The following DCC variants were observed in gnomAD, a reference collection of about 807,000 sequenced individuals.
The protein encoded by DCC is netrin receptor DCC.
DCC carries 58 observed loss-of-function variants against 172.5 expected under a neutral mutation model. The ratio of observed to expected loss-of-function variants is 0.34; its 90% CI spans 0.27 to 0.42. The LOEUF (loss-of-function observed/expected upper bound fraction) is 0.42. Among genes scored for constraint, DCC ranks in the 10% least tolerant of loss-of-function variants. The pLI, the probability that DCC is intolerant of heterozygous loss-of-function variation, is 1.00. For synonymous variants in DCC, 709 were observed against 644.5 expected (o/e 1.10, Z -1.52); for missense variants, 1,740 against 1,791.0 (o/e 0.97, Z 0.51).
intron 21 of DCC, among the ~76,000 whole-genome samples, chr18:53,418,676 T>G (rs888378392): frequency 1.3e-5 from 2 of 152,144 alleles, no homozygotes; most frequent in South Asian, 4.1e-4. Flanking sequence ...CAGTTTTGAT[T>G]GTCCTAAAAA....
chr18:53,500,111 C>T (rs2046078197), intron 27 of DCC, among the ~76,000 whole-genome samples: 1 of 152,046 alleles, frequency 6.6e-6, no homozygotes, highest in African/African-American at 2.4e-5. Context: ...AATAAGATGG[C>T]AGGGATGGGA....
chr18:52,401,337 T>C (rs1296238491), intron 1 of DCC, among the ~76,000 whole-genome samples: 1 of 152,030 alleles, frequency 6.6e-6, no homozygotes, highest in Admixed American at 6.6e-5. Flanking sequence ...CCATCTCTAC[T>C]GAGCATTTAC....
intron 27 of DCC, among the ~76,000 whole-genome samples, chr18:53,506,197 T>C (rs569205216): frequency 5.3e-4 from 80 of 152,272 alleles, no homozygotes; most frequent in African/African-American, 1.9e-3. Flanking sequence ...CGAATGTTGG[T>C]TGAATTGGTC....
intron 5 of DCC, among the ~76,000 whole-genome samples, chr18:52,998,712 A>C (rs1373564712): frequency 6.6e-6 from 1 of 152,032 alleles, no homozygotes; most frequent in African/African-American, 2.4e-5. Flanking sequence ...GTCAACAATG[A>C]TCCTTGCTTT....
intron 1 of DCC, among the ~76,000 whole-genome samples, chr18:52,465,755 C>T (rs1988766712): frequency 6.7e-6 from 1 of 149,514 alleles, no homozygotes; most frequent in Admixed American, 7.3e-5. Flanking sequence ...TCTAACTTCC[C>T]TCGTTTAGTT....
At chr18:53,134,095 A>T (rs1234593164) in intron 7 of DCC, among the ~76,000 whole-genome samples, 1 of 152,152 alleles carries the variant, frequency 6.6e-6, no homozygotes, top group Non-Finnish European at 1.5e-5. Context: ...CAAAAAGGAC[A>T]AGTTGAGGCT....
intron 1 of DCC, among the ~76,000 whole-genome samples, chr18:52,653,941 T>C (rs1463892703): frequency 6.6e-6 from 1 of 152,208 alleles, no homozygotes; most frequent in African/African-American, 2.4e-5. Flanking sequence ...ATTTATTCTT[T>C]CTTGGTGATC....
At chr18:52,848,440 A>T (rs964448068) in intron 2 of DCC, among the ~76,000 whole-genome samples, 1 of 152,168 alleles carries the variant, frequency 6.6e-6, no homozygotes, top group Middle Eastern at 3.2e-3. Flanking sequence ...AATTTATGTC[A>T]GTAAGTAGTT....
At chr18:53,272,482 G>A (rs1568404843) in intron 12 of DCC, among the ~76,000 whole-genome samples, 1 of 152,080 alleles carries the variant, frequency 6.6e-6, no homozygotes, top group African/African-American at 2.4e-5. Context: ...TTTCAAAGAG[G>A]TATGCGTATT....
At chr18:52,468,662 C>T (rs1021594827) in intron 1 of DCC, among the ~76,000 whole-genome samples, 19 of 152,180 alleles carry the variant, frequency 1.2e-4, no homozygotes, top group Admixed American at 1.1e-3. Flanking sequence ...CACTGCCATG[C>T]TAAACAGCCA....
At position 52,762,571 on chromosome 18, in the gene DCC, C is replaced by T. The variant is rs191122193; in HGVS notation, c.412+10197C>T. Among the ~76,000 whole-genome samples, 392 of 152,222 alleles carry T rather than the reference C, an allele frequency of 2.6e-3. 1 individual carries two copies. The highest frequency in any genetic ancestry group is 0.014 in the Middle Eastern group (4 of 292). On this transcript the variant is annotated intron_variant, in intron 2 of 28. Coordinates refer to ENST00000442544, the MANE Select transcript of DCC (RefSeq NM_005215.4). Reference sequence around the variant, plus strand: ...GGGAGTGGTGGCTCATGCCTGTAATCCCAACACTTTGGGAGGCTGAAGCAG... The same window carrying T: ...GGGAGTGGTGGCTCATGCCTGTAATTCCAACACTTTGGGAGGCTGAAGCAG...
At chr18:52,809,711 C>G (rs946475711) in intron 2 of DCC, among the ~76,000 whole-genome samples, 1 of 152,080 alleles carries the variant, frequency 6.6e-6, no homozygotes, top group Non-Finnish European at 1.5e-5. Context: ...AAACACAGAC[C>G]AGAAGAGCGT....
At chr18:52,742,668 C>A (rs1241461125) in intron 1 of DCC, among the ~76,000 whole-genome samples, 3 of 152,060 alleles carry the variant, frequency 2.0e-5, no homozygotes, top group Non-Finnish European at 4.4e-5. Flanking sequence ...GCCTTTAAAG[C>A]AAAATTTCAA....
chr18:52,810,208 C>A (rs1181502543), intron 2 of DCC, among the ~76,000 whole-genome samples: 1 of 152,164 alleles, frequency 6.6e-6, no homozygotes, highest in Non-Finnish European at 1.5e-5. Context: ...TGACCCACTT[C>A]TAAAGACAGG....
chr18:53,267,673 C>T (rs539932410), intron 12 of DCC, among the ~76,000 whole-genome samples: 1 of 151,958 alleles, frequency 6.6e-6, no homozygotes, highest in East Asian at 1.9e-4. Flanking sequence ...ACCATCATGC[C>T]CAGGCTAGCC....
At chr18:53,325,730 C>G (rs1414183461) in intron 14 of DCC, among the ~76,000 whole-genome samples, 1 of 152,104 alleles carries the variant, frequency 6.6e-6, no homozygotes, top group Non-Finnish European at 1.5e-5. Context: ...ATGCAACATT[C>G]CTTCTTTTTC....
chr18:53,288,964 G>T (rs1264436016), intron 12 of DCC, among the ~76,000 whole-genome samples: 4 of 152,046 alleles, frequency 2.6e-5, no homozygotes, highest in African/African-American at 9.7e-5. Flanking sequence ...TGGTTGTGTG[G>T]GTTCTGAGTA....
chr18:52,975,752 C>T (rs1351878546), intron 5 of DCC, among the ~76,000 whole-genome samples: 2 of 152,190 alleles, frequency 1.3e-5, no homozygotes, highest in African/African-American at 2.4e-5. Context: ...TTTATCCAGT[C>T]TATCATTGAT....
chr18:53,108,998 T>C (rs2043292398), intron 7 of DCC, among the ~76,000 whole-genome samples: 1 of 150,942 alleles, frequency 6.6e-6, no homozygotes, highest in Non-Finnish European at 1.5e-5. Context: ...GTTGCCAAAG[T>C]GGTTATATCA....
Sources: gnomAD v4.1 joint callset for allele counts (sites outside exome capture counted in the v4.1 genomes callset) on GRCh38, gnomAD v4.1.1 for gene constraint, MANE v1.5 for transcripts, NCBI Gene and HGNC (gene_info 2026-07-23, HGNC 2026-07-21) for gene names.